Variants in SPATA17 observed in about 807,000 individuals in gnomAD.
SPATA17 encodes spermatogenesis associated 17.
SPATA17 carries 53 observed loss-of-function variants against 62.2 expected under a neutral mutation model. The observed-to-expected ratio is 0.85, with a 90% CI of 0.68 to 1.07. The LOEUF (loss-of-function observed/expected upper bound fraction) is 1.07, where lower values mean the gene tolerates loss of function less well. Ranked by LOEUF, SPATA17 falls within the 50% of genes least tolerant of loss-of-function variation. The pLI is 0.00. For missense variants in SPATA17, 466 were observed against 425.5 expected, an observed-to-expected ratio of 1.10 and a Z score of -0.84; for synonymous variants, 146 against 146.8, an observed-to-expected ratio of 0.99 and a Z score of 0.04.
intron 9 of SPATA17, among the ~76,000 whole-genome samples, chr1:217,810,495 AC>A (rs61200800): frequency 0.083 from 12,556 of 151,944 alleles, 554 homozygotes; most frequent in East Asian, 0.14. Flanking sequence ...GGTGGCACAC[AC>A]CTGTAATCTC....
At chr1:217,699,928 C>T (rs939506592) in intron 5 of SPATA17, among the ~76,000 whole-genome samples, 2 of 152,050 alleles carry the variant, frequency 1.3e-5, no homozygotes, top group Admixed American at 6.6e-5. Context: ...GCTATCTTTC[C>T]TTCATTGAAT....
intron 5 of SPATA17, chr1:217,739,651 T>G (rs142074869): frequency 1.3e-5 from 2 of 152,272 alleles, no homozygotes; most frequent in Non-Finnish European, 2.9e-5. Context: ...TTATTTTTAA[T>G]GAGATCATAA....
chr1:217,769,042 A>G (rs998711363), intron 6 of SPATA17, among the ~76,000 whole-genome samples: 1 of 152,144 alleles, frequency 6.6e-6, no homozygotes, highest in Non-Finnish European at 1.5e-5. Flanking sequence ...ACCCTTTCTC[A>G]GTATTCTATT....
intron 5 of SPATA17, among the ~76,000 whole-genome samples, chr1:217,723,492 C>T (rs1244025998): frequency 2.6e-5 from 4 of 152,108 alleles, no homozygotes; most frequent in Admixed American, 2.0e-4. Flanking sequence ...CGTAATTCTC[C>T]GTAATTTTCC....
intron 9 of SPATA17, among the ~76,000 whole-genome samples, chr1:217,840,335 C>T (rs566919982): frequency 6.6e-6 from 1 of 152,194 alleles, no homozygotes; most frequent in African/African-American, 2.4e-5. Flanking sequence ...TAAAATTATT[C>T]CTAGTAAACT....
chr1:217,714,484 G>GTTTTTTTTTTTT (rs1456324571), intron 5 of SPATA17, among the ~76,000 whole-genome samples: 16 of 123,994 alleles, frequency 1.3e-4, no homozygotes, highest in African/African-American at 2.4e-4. Flanking sequence ...TGGAAAACGT[G>GTTTTTTTTTTTT]TTTCTTTTTT....
At chr1:217,644,803 C>G (rs1670143460) in intron 1 of SPATA17, among the ~76,000 whole-genome samples, 1 of 151,886 alleles carries the variant, frequency 6.6e-6, no homozygotes, top group Non-Finnish European at 1.5e-5. Flanking sequence ...TACTTTTGGT[C>G]TTTCATCATT....
chr1:217,823,296 C>T (rs1674912341), intron 9 of SPATA17, among the ~76,000 whole-genome samples: 1 of 151,946 alleles, frequency 6.6e-6, no homozygotes, highest in African/African-American at 2.4e-5. Flanking sequence ...CTTTCCTGCC[C>T]TTTACTCAGT....
intron 5 of SPATA17, among the ~76,000 whole-genome samples, chr1:217,708,025 A>G (rs1671775677): frequency 1.3e-5 from 2 of 152,202 alleles, no homozygotes; most frequent in South Asian, 2.1e-4. Context: ...AAGATACAAC[A>G]TACCAAAATC....
At chr1:217,786,823 A>G (rs560282321) in intron 8 of SPATA17, among the ~76,000 whole-genome samples, 3 of 66,752 alleles carry the variant, frequency 4.5e-5, no homozygotes, top group African/African-American at 1.5e-4. Context: ...CCTCTGTATA[A>G]TCTTTGAATG....
At chr1:217,862,206 ACTTCACC>A (rs1485278695) in intron 9 of SPATA17, among the ~76,000 whole-genome samples, 2 of 152,128 alleles carry the variant, frequency 1.3e-5, no homozygotes, top group Non-Finnish European at 2.9e-5. Context: ...CCTTTTAATG[ACTTCACC>A]TGTTTTAACA....
intron 9 of SPATA17, among the ~76,000 whole-genome samples, chr1:217,824,382 A>T (rs913503124): frequency 6.6e-6 from 1 of 151,764 alleles, no homozygotes; most frequent in African/African-American, 2.4e-5. Flanking sequence ...TGAGTCAAGT[A>T]GGTATAGAAT....
intron 6 of SPATA17, among the ~76,000 whole-genome samples, chr1:217,765,198 A>T (rs908118591): frequency 1.3e-5 from 2 of 150,416 alleles, no homozygotes; most frequent in Non-Finnish European, 3.0e-5. Context: ...AATTAATTTT[A>T]TTTATCTTTC....
At chr1:217,775,879 T>C (rs1177938665) in intron 7 of SPATA17, among the ~76,000 whole-genome samples, 1 of 152,096 alleles carries the variant, frequency 6.6e-6, no homozygotes, top group Non-Finnish European at 1.5e-5. Flanking sequence ...TTAAATCTTG[T>C]TATATTGAAT....
intron 3 of SPATA17, among the ~76,000 whole-genome samples, chr1:217,651,971 C>T (rs2102884590): frequency 6.6e-6 from 1 of 152,238 alleles, no homozygotes; most frequent in Non-Finnish European, 1.5e-5. Context: ...ACAAAGCAAC[C>T]TTACAGTTGT....
chr1:217,827,117 T>A (rs1675017528), intron 9 of SPATA17, among the ~76,000 whole-genome samples: 1 of 152,062 alleles, frequency 6.6e-6, no homozygotes, highest in African/African-American at 2.4e-5. Flanking sequence ...TCATGGTGTA[T>A]TAGAATAAAA....
At chr1:217,819,065 C>A (rs370963606) in intron 9 of SPATA17, among the ~76,000 whole-genome samples, 2 of 151,330 alleles carry the variant, frequency 1.3e-5, no homozygotes, top group African/African-American at 2.4e-5. Context: ...AGTTTGTGAG[C>A]TTTTATATAA....
At chr1:217,863,122 T>C (rs1675931870) in intron 10 of SPATA17, among the ~76,000 whole-genome samples, 1 of 129,390 alleles carries the variant, frequency 7.7e-6, no homozygotes, top group East Asian at 2.1e-4. Context: ...ACTCTTTCTT[T>C]TTTTTTTTTT....
chr1:217,761,155 C>T (rs1029035826), intron 6 of SPATA17, among the ~76,000 whole-genome samples: 1 of 152,190 alleles, frequency 6.6e-6, no homozygotes, highest in Non-Finnish European at 1.5e-5. Flanking sequence ...GAGATCTGCA[C>T]ACTGCTCATC....
Sources: allele counts gnomAD v4.1 joint callset (sites outside exome capture counted in the v4.1 genomes callset), GRCh38; gene constraint gnomAD v4.1.1; transcripts MANE v1.5; gene names NCBI Gene and HGNC (gene_info 2026-07-23, HGNC 2026-07-21).